The following MAST4 variants were observed in gnomAD, a reference collection of about 807,000 sequenced individuals.
MAST4 encodes microtubule-associated serine/threonine-protein kinase 4.
Under a neutral mutation model 162.7 loss-of-function variants are expected in MAST4, and 89 were observed. The ratio of observed to expected loss-of-function variants is 0.55; its 90% confidence interval spans 0.46 to 0.65. The LOEUF is 0.65. Among genes scored for constraint, MAST4 ranks in the 30% least tolerant of loss-of-function variants. The pLI is 0.00. For synonymous variants in MAST4, 1,479 were observed against 1,361.1 expected (o/e 1.09, Z -1.91); for missense variants, 3,153 against 3,374.0 (o/e 0.93, Z 1.62).
rs140869054 is a variant in MAST4, at chr5:66,942,172, T to C, written c.674+42190T>C. The stretch of plus-strand genomic sequence containing the variant: ...TTGCTCTATGCAGGGTTACCATACA[T>C]CTTCAATTTGTTAAAAAATGCAATT... On this transcript the variant is annotated intron_variant, in intron 4 of 28. Coordinates refer to ENST00000403625, the MANE Select transcript of MAST4 (RefSeq NM_001164664.2). 4.7e-3 allele frequency among the ~76,000 whole-genome samples: 709 copies of C among 152,236 alleles called. 5 individuals are homozygous for C. The highest frequency in any genetic ancestry group is 0.016 in the African/African-American group (681 of 41,546).
At chr5:66,719,171 G>A (rs879759830) in intron 1 of MAST4, among the ~76,000 whole-genome samples, 15 of 152,356 alleles carry the variant, frequency 9.8e-5, no homozygotes, top group African/African-American at 3.1e-4. Flanking sequence ...TTGCATTGAT[G>A]TAGGTCTAAC....
intron 1 of MAST4, among the ~76,000 whole-genome samples, chr5:66,626,373 A>G (rs1293586448): frequency 6.6e-6 from 1 of 152,202 alleles, no homozygotes; most frequent in African/African-American, 2.4e-5. Flanking sequence ...CATGTTCACA[A>G]TATCTAAATA....
chr5:67,067,510 G>A (rs1417438253), intron 5 of MAST4, among the ~76,000 whole-genome samples: 1 of 152,144 alleles, frequency 6.6e-6, no homozygotes, highest in Non-Finnish European at 1.5e-5. Context: ...GAAATGATAC[G>A]ACATCATAGT....
At chr5:66,724,930 T>A (rs1751422686) in intron 1 of MAST4, among the ~76,000 whole-genome samples, 1 of 152,076 alleles carries the variant, frequency 6.6e-6, no homozygotes, top group South Asian at 2.1e-4. Context: ...AGGCTCCCTC[T>A]ATAGGCCACA....
intron 4 of MAST4, among the ~76,000 whole-genome samples, chr5:67,011,280 T>A (rs1325086197): frequency 6.6e-6 from 1 of 152,064 alleles, no homozygotes; most frequent in East Asian, 1.9e-4. Flanking sequence ...GCCCCACTTG[T>A]TGCTCCTCTC....
intron 1 of MAST4, among the ~76,000 whole-genome samples, chr5:66,695,296 G>A (rs577474773): frequency 6.6e-6 from 1 of 152,250 alleles, no homozygotes; most frequent in African/African-American, 2.4e-5. Flanking sequence ...GCTTGTTTTT[G>A]TCAGGTTTGC....
chr5:66,907,202 A>AGAGAGAGAGAGT (rs1763424268), intron 4 of MAST4, among the ~76,000 whole-genome samples: 1 of 91,656 alleles, frequency 1.1e-5, no homozygotes, highest in African/African-American at 4.3e-5. Flanking sequence ...AGAGAGAGAG[A>AGAGAGAGAGAGT]GAGAGTCCTG....
intron 3 of MAST4, among the ~76,000 whole-genome samples, chr5:66,831,309 T>C (rs1757579779): frequency 6.6e-6 from 1 of 152,160 alleles, no homozygotes; most frequent in Admixed American, 6.6e-5. Flanking sequence ...CAGGCTAATA[T>C]AGGGGAGTTT....
intron 4 of MAST4, among the ~76,000 whole-genome samples, chr5:67,028,788 A>T (rs185188793): frequency 6.6e-6 from 1 of 152,170 alleles, no homozygotes; most frequent in Admixed American, 6.5e-5. Context: ...GAGATGCTGG[A>T]TATGTGGATC....
At chr5:67,039,449 G>T (rs924150468) in intron 4 of MAST4, among the ~76,000 whole-genome samples, 4 of 152,178 alleles carry the variant, frequency 2.6e-5, no homozygotes, top group Non-Finnish European at 5.9e-5. Context: ...CTGAGTCACT[G>T]CAGGGAATGC....
intron 4 of MAST4, among the ~76,000 whole-genome samples, chr5:66,907,710 A>C (rs1252722416): frequency 6.6e-6 from 1 of 151,824 alleles, no homozygotes; most frequent in African/African-American, 2.4e-5. Context: ...CCTGTCTAGA[A>C]AAGTAGTTTG....
At chr5:66,998,532 TAGAC>T (rs1313396379) in intron 4 of MAST4, among the ~76,000 whole-genome samples, 3 of 152,188 alleles carry the variant, frequency 2.0e-5, no homozygotes, top group Non-Finnish European at 4.4e-5. Flanking sequence ...GAAATTGAAA[TAGAC>T]AGGAAAAGGT....
chr5:66,970,611 C>G lies in MAST4; in HGVS notation c.674+70629C>G, dbSNP rs974653789. Among the ~76,000 whole-genome samples, 5 of 152,152 alleles carry G rather than the reference C, an allele frequency of 3.3e-5. No homozygotes were observed. In the East Asian group the frequency reaches 7.7e-4, roughly 23 times the overall value. ...TGTCATGATGGTTTGTGTTTTTTAT[C>G]TATGCACTCACCTTTTCACATTAAC... On this transcript the variant is annotated intron_variant, in intron 4 of 28. Transcript: ENST00000403625.
intron 10 of MAST4, among the ~76,000 whole-genome samples, chr5:67,106,256 C>A (rs987867176): frequency 2.6e-5 from 4 of 152,064 alleles, no homozygotes; most frequent in African/African-American, 9.7e-5. Context: ...TACCTCAGAC[C>A]AGTAGTCATC....
intron 1 of MAST4, among the ~76,000 whole-genome samples, chr5:66,746,514 A>G (rs879038555): frequency 6.6e-6 from 1 of 152,190 alleles, no homozygotes; most frequent in African/African-American, 2.4e-5. Context: ...ACTACTGCCT[A>G]GTAGGGAGTC....
At chr5:67,098,852 C>A (rs1764723339) in intron 7 of MAST4, among the ~76,000 whole-genome samples, 1 of 152,136 alleles carries the variant, frequency 6.6e-6, no homozygotes, top group African/African-American at 2.4e-5. Flanking sequence ...AACAGACCAG[C>A]AACAGTGGGG....
intron 23 of MAST4, among the ~76,000 whole-genome samples, chr5:67,147,814 A>T (rs938009359): frequency 6.6e-6 from 1 of 152,248 alleles, no homozygotes; most frequent in African/African-American, 2.4e-5. Flanking sequence ...GAATGAGTTT[A>T]GCATATAGGA....
intron 5 of MAST4, among the ~76,000 whole-genome samples, chr5:67,087,699 C>G (rs1179828374): frequency 6.6e-6 from 1 of 152,164 alleles, no homozygotes; most frequent in Non-Finnish European, 1.5e-5. Context: ...TATCCTCTGA[C>G]AGTTAAGAGC....
intron 1 of MAST4, among the ~76,000 whole-genome samples, chr5:66,753,522 C>A (rs1186000185): frequency 2.0e-5 from 3 of 151,768 alleles, no homozygotes; most frequent in Non-Finnish European, 4.4e-5. Flanking sequence ...ACTACAAACA[C>A]CTCGACGCAA....
Sources: gnomAD v4.1 joint callset for allele counts (sites outside exome capture counted in the v4.1 genomes callset) on GRCh38, gnomAD v4.1.1 for gene constraint, MANE v1.5 for transcripts, NCBI Gene and HGNC (gene_info 2026-07-23, HGNC 2026-07-21) for gene names.